Variants in ITGB3 observed in about 807,000 individuals in gnomAD.
ITGB3 encodes the protein integrin subunit beta 3.
ITGB3 carries 48 observed loss-of-function variants against 85.8 expected under a neutral mutation model. That is an observed-to-expected ratio of 0.56 (90% CI 0.44 to 0.71). ITGB3 has a LOEUF of 0.71. ITGB3 is among the 30% of genes least tolerant of loss of function. ITGB3 has a pLI of 0.00. For missense variants in ITGB3, 861 were observed against 1,019.1 expected (o/e 0.84, Z 2.11); for synonymous variants, 363 against 395.6 (o/e 0.92, Z 0.98).
rs2143090512 is a variant in ITGB3 at position 47,283,550 on chromosome 17, G to A, written c.361+1G>A. The A allele has an allele frequency of 6.2e-7, 1 of 1,614,168 alleles. No individual in the cohort carries two copies. The highest frequency in any genetic ancestry group is 2.2e-5 in the East Asian group (1 of 44,884). ...AGGATTGCACTCCGGCTCCGGCCAG[G>A]TAGGGCTGGGACTCTTTGCGGGGAG... On this transcript the variant is annotated splice_donor_variant, in intron 3 of 14. Transcript: ENST00000559488. LOFTEE classifies it high-confidence loss of function.
chr17:47,256,324 T>C (rs1463155738), intron 1 of ITGB3, among the ~76,000 whole-genome samples: 12 of 152,038 alleles, frequency 7.9e-5, no homozygotes, highest in Non-Finnish European at 1.5e-5. Flanking sequence ...AAAAAATCCT[T>C]AGGCGATCTG....
rs1301428456 is a variant in ITGB3, at chr17:47,310,355, T to TCTGTGTG, written c.*152_*158dup. ...GAATGTCAGTATGTGGAAGTGTGGG[T>TCTGTGTG]CTGTGTGTGTGTATGTGGGGGTCTG... On this transcript the variant is annotated 3_prime_UTR_variant, in exon 15 of 15. Coordinates refer to ENST00000559488, the MANE Select transcript of ITGB3 (RefSeq NM_000212.3). The TCTGTGTG allele has an allele frequency of 1.4e-6, 1 of 733,888 alleles. No homozygotes were observed. Among genetic ancestry groups the TCTGTGTG allele is most frequent in the Non-Finnish European group, 2.4e-6 (1 of 410,400 alleles). 45.5% of individuals were successfully genotyped at this position (733,888 alleles called of 1,614,324 possible). A position where few individuals can be genotyped will look rare whatever the true frequency, so the allele number is the denominator to read the frequency against.
Position 47,313,447 on chromosome 17 carries a change from C to T in ITGB3, c.*3243C>T, listed in dbSNP as rs952298602. Among the ~76,000 whole-genome samples, 1 of 144,534 alleles carries T rather than the reference C, an allele frequency of 6.9e-6. No individual in the cohort carries two copies. The highest frequency in any genetic ancestry group is 2.6e-5 in the African/African-American group (1 of 38,946). 94.8% of individuals were successfully genotyped at this position (144,534 alleles called of 152,430 possible). On this transcript the variant is annotated 3_prime_UTR_variant, in exon 15 of 15. Coordinates refer to ENST00000559488, the MANE Select transcript of ITGB3 (RefSeq NM_000212.3). ...CTGCAAGCTTCGCCTCCCGGGTTCACGCCATTCTCCTGCCTCAGCCTCCCG... is the reference window on the plus strand; with the variant it reads ...CTGCAAGCTTCGCCTCCCGGGTTCATGCCATTCTCCTGCCTCAGCCTCCCG...
At chr17:47,283,810 A>T (rs1399352782) in intron 3 of ITGB3, among the ~76,000 whole-genome samples, 1 of 152,232 alleles carries the variant, frequency 6.6e-6, no homozygotes, top group Non-Finnish European at 1.5e-5. Context: ...CTTCAGACAT[A>T]GTAGGTGCTC....
chr17:47,253,883 C>G lies in ITGB3; in HGVS notation c.22C>G (p.Arg8Gly). Residue 8 changes from arginine to glycine, a missense_variant, in exon 1 of 15, where the codon CGG becomes GGG. Coordinates refer to ENST00000559488, the MANE Select transcript of ITGB3 (RefSeq NM_000212.3). Reference protein sequence around the residue: MRARPRPRPLWATVLALG... With the variant: MRARPRPGPLWATVLALG... ...CGAGATGCGAGCGCGGCCGCGGCCC[C>G]GGCCGCTCTGGGCGACTGTGCTGGC... The G allele has an allele frequency of 7.8e-7, 1 of 1,282,282 alleles. No homozygotes were observed. Among genetic ancestry groups the G allele is most frequent in the Non-Finnish European group, 9.9e-7 (1 of 1,013,554 alleles). The allele number at this position is 1,282,282 out of a possible 1,614,324, so 79.4% of individuals were successfully genotyped here.
intron 2 of ITGB3, among the ~76,000 whole-genome samples, chr17:47,279,169 G>A (rs995281264): frequency 5.9e-5 from 9 of 152,164 alleles, no homozygotes; most frequent in Non-Finnish European, 1.2e-4. Flanking sequence ...AGGAGAGGGA[G>A]GTAATTCAGC....
chr17:47,296,407 A>T lies in ITGB3; in HGVS notation c.1691-2901A>T, dbSNP rs116517386. Among the ~76,000 whole-genome samples, 1,055 of 152,012 alleles carry T rather than the reference A, an allele frequency of 6.9e-3. 16 individuals carry two copies. Among genetic ancestry groups the T allele is most frequent in the African/African-American group, 0.023 (962 of 41,436 alleles). On this transcript the variant is annotated intron_variant, in intron 10 of 14. Coordinates refer to ENST00000559488, the MANE Select transcript of ITGB3 (RefSeq NM_000212.3). ...TGCCATCATGCCCGGATAATTTTTT[A>T]AAAATTTGTAGAGACGGGATCTCGC...
chr17:47,283,300 G>A (rs1406143193), intron 2 of ITGB3, 54 bp from the exon 3 acceptor site: 3 of 1,570,328 alleles, frequency 1.9e-6, no homozygotes, highest in Admixed American at 1.7e-5. Flanking sequence ...GCAGGAGGTA[G>A]AGAGTCGCCA....
At chr17:47,261,488 C>G (rs1190744510) in intron 1 of ITGB3, among the ~76,000 whole-genome samples, 1 of 150,430 alleles carries the variant, frequency 6.6e-6, no homozygotes. Context: ...TGTTATTTCT[C>G]AAATAGGATA....
At chr17:47,268,301 G>A (rs1567760410) in intron 1 of ITGB3, among the ~76,000 whole-genome samples, 1 of 152,100 alleles carries the variant, frequency 6.6e-6, no homozygotes, top group African/African-American at 2.4e-5. Context: ...ACACAATCAT[G>A]ACTTCCCAAC....
chr17:47,298,373 G>A (rs2065153606), intron 10 of ITGB3, among the ~76,000 whole-genome samples: 1 of 152,166 alleles, frequency 6.6e-6, no homozygotes, highest in Non-Finnish European at 1.5e-5. Flanking sequence ...GCCCTCGGCA[G>A]TCTGGGAGGT....
At chr17:47,264,842 G>A (rs2065020137) in intron 1 of ITGB3, among the ~76,000 whole-genome samples, 4 of 152,212 alleles carry the variant, frequency 2.6e-5, no homozygotes, top group Admixed American at 2.0e-4. Flanking sequence ...GCTCTAAAGA[G>A]AGTCCTTCCC....
chr17:47,299,389 A>T lies in ITGB3; in HGVS notation c.1772A>T (p.Asp591Val). ...TACTGCAACTGTACCACGCGTACTG[A>T]CACCTGCATGTCCAGCAATGGGCTG... ...GYYCNCTTRT[D>V]TCMSSNGLLC... The change falls in exon 11 of 15, where the codon GAC (aspartate) becomes GTC (valine). Residue 591 changes from aspartate (D) to valine (V), a missense_variant. Asp to Val is a radical substitution (Grantham distance 152). Coordinates refer to ENST00000559488, the MANE Select transcript of ITGB3 (RefSeq NM_000212.3). This position sits in a 1 kb window ranked among gnomAD's most constrained non-coding sequence, Gnocchi z 5.1. 6.2e-7 allele frequency: 1 copy of T among 1,614,164 alleles called. No homozygotes were observed. The highest frequency in any genetic ancestry group is 8.5e-7 in the Non-Finnish European group (1 of 1,180,022).
chr17:47,290,874 C>A, intron 8 of ITGB3, 80 bp from the exon 9 acceptor site: 1 of 1,560,000 alleles, frequency 6.4e-7, no homozygotes, highest in Non-Finnish European at 8.8e-7. Flanking sequence ...CCAGATTTGG[C>A]TTGGGATGGA....
At chr17:47,276,223 G>C (rs1213566288) in intron 2 of ITGB3, among the ~76,000 whole-genome samples, 1 of 152,106 alleles carries the variant, frequency 6.6e-6, no homozygotes, top group Non-Finnish European at 1.5e-5. Context: ...TGGGGAAAAA[G>C]AAAACCTTCT....
chr17:47,273,278 T>TG (rs1216490020), intron 1 of ITGB3, among the ~76,000 whole-genome samples: 3 of 152,218 alleles, frequency 2.0e-5, no homozygotes, highest in Non-Finnish European at 4.4e-5. Context: ...TCTTACCAGC[T>TG]GGGGTCAAAG....
Position 47,300,485 on chromosome 17 carries a change from G to A in ITGB3, c.1921G>A (p.Val641Met), listed in dbSNP as rs1415631913. ...GTGTCCTCTCTCCTTCAGAGAATGTGTGGAGTGTAAGAAGTTTGACCGGGG... is the reference window on the plus strand; with the variant it reads ...GTGTCCTCTCTCCTTCAGAGAATGTATGGAGTGTAAGAAGTTTGACCGGGG... ...PDACTFKKECVECKKFDRGAL... is the reference protein window; with the variant it reads ...PDACTFKKECMECKKFDRGAL... Residue 641 changes from valine to methionine, a missense_variant, in exon 12 of 15, where the codon GTG (valine) becomes ATG (methionine). Physicochemically the swap from Val to Met is conservative, Grantham distance 21. Transcript: ENST00000559488. 2 of 1,613,320 alleles carry A rather than the reference G, an allele frequency of 1.2e-6. No individual in the cohort carries two copies. The highest frequency in any genetic ancestry group is 2.2e-5 in the South Asian group (2 of 91,062).
chr17:47,303,469 A>G (rs1429131438), intron 13 of ITGB3: 1 of 153,118 alleles, frequency 6.5e-6, no homozygotes, highest in Non-Finnish European at 1.5e-5. Flanking sequence ...ATGTCAAGAA[A>G]TAAAGAATTT....
intron 10 of ITGB3, among the ~76,000 whole-genome samples, chr17:47,293,337 G>A (rs1400996964): frequency 6.6e-6 from 1 of 152,114 alleles, no homozygotes; most frequent in Non-Finnish European, 1.5e-5. Flanking sequence ...AACCACTCCT[G>A]GGGTACTTTC....
Sources: gnomAD v4.1 joint callset for allele counts (sites outside exome capture counted in the v4.1 genomes callset) on GRCh38, gnomAD v4.1.1 for gene constraint, Gnocchi (gnomAD v3.1) non-coding constraint, MANE v1.5 for transcripts, NCBI Gene and HGNC (gene_info 2026-07-23, HGNC 2026-07-21) for gene names.